The following GMDS variants were observed in gnomAD, a reference collection of about 807,000 sequenced individuals.
The protein encoded by GMDS is GDP-mannose 4,6-dehydratase.
GMDS carries 20 observed loss-of-function variants against 49.9 expected under a neutral mutation model. That is an observed-to-expected ratio of 0.40 (90% CI 0.28 to 0.58). The LOEUF is 0.58. Among genes scored for constraint, GMDS ranks in the 20% least tolerant of loss-of-function variants. The probability of loss-of-function intolerance (pLI) is 0.42; values close to 1 mark genes in which losing one functional copy is unlikely to be tolerated. For missense variants in GMDS, 362 were observed against 481.4 expected (o/e 0.75, Z 2.32); for synonymous variants, 177 against 178.6 (o/e 0.99, Z 0.07).
chr6:1,947,125 C>T (rs1340851026), intron 6 of GMDS, among the ~76,000 whole-genome samples: 1 of 152,128 alleles, frequency 6.6e-6, no homozygotes, highest in Non-Finnish European at 1.5e-5. Flanking sequence ...TATTTGCTTC[C>T]TATAGGGAAA....
chr6:1,871,451 A>G (rs988098625), intron 7 of GMDS, among the ~76,000 whole-genome samples: 4 of 152,230 alleles, frequency 2.6e-5, no homozygotes, highest in African/African-American at 9.6e-5. Context: ...TATTATTTCA[A>G]TTGAGTACTT....
chr6:2,155,779 C>A (rs961836271), intron 1 of GMDS, among the ~76,000 whole-genome samples: 3 of 152,080 alleles, frequency 2.0e-5, no homozygotes, highest in African/African-American at 7.2e-5. Context: ...TTTGCTCTTT[C>A]TTGAAATGAA....
chr6:2,086,968 T>C (rs1412992197), intron 4 of GMDS, among the ~76,000 whole-genome samples: 1 of 152,228 alleles, frequency 6.6e-6, no homozygotes, highest in African/African-American at 2.4e-5. Flanking sequence ...AATCACAATA[T>C]TGCTCCAAAT....
At chr6:2,000,652 CTCTT>C (rs1766756788) in intron 4 of GMDS, among the ~76,000 whole-genome samples, 1 of 152,086 alleles carries the variant, frequency 6.6e-6, no homozygotes, top group Non-Finnish European at 1.5e-5. Flanking sequence ...TGTATGAAGT[CTCTT>C]TTTTTGTTTT....
At chr6:2,064,379 G>A (rs1420147617) in intron 4 of GMDS, among the ~76,000 whole-genome samples, 1 of 152,198 alleles carries the variant, frequency 6.6e-6, no homozygotes, top group East Asian at 1.9e-4. Context: ...AAAAACCGAA[G>A]TGTGGGAGGA....
intron 1 of GMDS, among the ~76,000 whole-genome samples, chr6:2,155,965 A>G (rs2127541505): frequency 6.6e-6 from 1 of 152,328 alleles, no homozygotes; most frequent in South Asian, 2.1e-4. Flanking sequence ...TAAACCCACA[A>G]CAAAAGAAAA....
At chr6:1,674,560 C>CTT (rs869292549) in intron 9 of GMDS, among the ~76,000 whole-genome samples, 11,445 of 72,830 alleles carry the variant, frequency 0.16, 1,704 homozygotes, top group East Asian at 0.24. Flanking sequence ...CTCTCTCTCT[C>CTT]TTTTTTTTTT....
At chr6:2,096,363 T>C (rs1773605152) in intron 4 of GMDS, among the ~76,000 whole-genome samples, 1 of 152,190 alleles carries the variant, frequency 6.6e-6, no homozygotes, top group Non-Finnish European at 1.5e-5. Context: ...TAAAAACATA[T>C]ATATTTAATT....
chr6:1,694,792 AT>A (rs1467575369), intron 9 of GMDS, among the ~76,000 whole-genome samples: 1 of 152,210 alleles, frequency 6.6e-6, no homozygotes, highest in Admixed American at 6.5e-5. Flanking sequence ...TATAGTATTT[AT>A]TGCAGCAATA....
In GMDS at chr6:1,960,074, C is replaced by G. The variant is rs1015652340; in HGVS notation, c.539-103G>C. ...TTGGCCGAAATAATAACTTGTAATG[C>G]ATCCAAATACAAAAAAGTATCAAAA... is the stretch of plus-strand genomic sequence containing the variant. On this transcript the variant is annotated intron_variant, in intron 5 of 10. Transcript: ENST00000380815. 3.6e-5 allele frequency: 21 copies of G among 579,704 alleles called. No homozygotes were observed. The Admixed American group carries it at 3.7e-4, about 10-fold the overall frequency. The allele number at this position is 579,704 out of a possible 1,614,324, so 35.9% of individuals were successfully genotyped here. A position where few individuals can be genotyped will look rare whatever the true frequency, so the allele number is the denominator to read the frequency against.
At chr6:1,931,412 C>T (rs777615776) in intron 6 of GMDS, among the ~76,000 whole-genome samples, 1 of 152,168 alleles carries the variant, frequency 6.6e-6, no homozygotes, top group South Asian at 2.1e-4. Context: ...TACATTTATA[C>T]CTACACCATT....
intron 1 of GMDS, among the ~76,000 whole-genome samples, chr6:2,196,609 T>C (rs1252295202): frequency 6.6e-6 from 1 of 152,232 alleles, no homozygotes; most frequent in Non-Finnish European, 1.5e-5. Flanking sequence ...TTTCTTTACC[T>C]CTTGCCTAGT....
At chr6:2,046,969 T>G (rs1032382047) in intron 4 of GMDS, among the ~76,000 whole-genome samples, 1 of 152,144 alleles carries the variant, frequency 6.6e-6, no homozygotes. Context: ...ATTCAGGAAT[T>G]AGTTTTCTTT....
intron 1 of GMDS, among the ~76,000 whole-genome samples, chr6:2,184,829 T>C (rs1021609998): frequency 1.3e-5 from 2 of 152,244 alleles, no homozygotes; most frequent in African/African-American, 4.8e-5. Context: ...TTTATACCAT[T>C]GGGAACCATT....
chr6:1,653,706 C>T (rs1350749049), intron 9 of GMDS, among the ~76,000 whole-genome samples: 2 of 152,212 alleles, frequency 1.3e-5, no homozygotes, highest in African/African-American at 4.8e-5. Context: ...GGGGAAAGAA[C>T]AGTCTCTTCA....
At chr6:1,711,540 C>T (rs1045847310) in intron 9 of GMDS, among the ~76,000 whole-genome samples, 4 of 152,206 alleles carry the variant, frequency 2.6e-5, no homozygotes, top group African/African-American at 9.6e-5. Flanking sequence ...AAATGAAACA[C>T]ATGGGTGGGA....
chr6:2,053,165 C>T (rs1019636461), intron 4 of GMDS, among the ~76,000 whole-genome samples: 4 of 151,840 alleles, frequency 2.6e-5, no homozygotes, highest in Non-Finnish European at 4.4e-5. Flanking sequence ...TACATAATTG[C>T]CCAAAATATT....
intron 1 of GMDS, among the ~76,000 whole-genome samples, chr6:2,165,564 TC>T (rs1340052457): frequency 1.3e-5 from 2 of 152,282 alleles, no homozygotes; most frequent in African/African-American, 4.8e-5. Flanking sequence ...GTTAGCCTCA[TC>T]CAAAAACACC....
At chr6:1,727,524 C>T (rs1487083096) in intron 8 of GMDS, among the ~76,000 whole-genome samples, 1 of 151,826 alleles carries the variant, frequency 6.6e-6, no homozygotes, top group African/African-American at 2.4e-5. Context: ...GAGATGAATC[C>T]TATGGACACA....
Sources: gnomAD v4.1 joint callset for allele counts (sites outside exome capture counted in the v4.1 genomes callset) on GRCh38, gnomAD v4.1.1 for gene constraint, MANE v1.5 for transcripts, NCBI Gene and HGNC (gene_info 2026-07-23, HGNC 2026-07-21) for gene names.